The following STX1B variants were observed in gnomAD, a reference collection of about 807,000 sequenced individuals.
The protein encoded by STX1B is syntaxin-1B.
Under a neutral mutation model 39.4 loss-of-function variants are expected in STX1B, and 7 were observed. That is an observed-to-expected ratio of 0.18 (90% CI 0.10 to 0.33). The LOEUF is 0.33. Among genes scored for constraint, STX1B ranks in the 10% least tolerant of loss-of-function variants. The pLI, the probability that STX1B is intolerant of heterozygous loss-of-function variation, is 1.00. For synonymous variants in STX1B, 136 were observed against 144.1 expected (o/e 0.94, Z 0.40); for missense variants, 198 against 383.2 (o/e 0.52, Z 4.04).
intron 1 of STX1B, among the ~76,000 whole-genome samples, chr16:31,004,622 G>C (rs562176079): frequency 6.6e-6 from 1 of 151,798 alleles, no homozygotes; most frequent in East Asian, 1.9e-4. Flanking sequence ...ACTGCAGTGA[G>C]CTGTGATTGT....
At chr16:31,007,325 G>T (rs2056659586) in intron 1 of STX1B, among the ~76,000 whole-genome samples, 1 of 152,038 alleles carries the variant, frequency 6.6e-6, no homozygotes, top group Non-Finnish European at 1.5e-5. Context: ...GGCTCCTGCA[G>T]TGCAGGCCCC....
chr16:31,008,152 G>C (rs536747569), intron 1 of STX1B, among the ~76,000 whole-genome samples: 358 of 151,958 alleles, frequency 2.4e-3, no homozygotes, highest in African/African-American at 8.4e-3. Context: ...ACCCTGCCAG[G>C]TGTCTCCTGC....
chr16:31,001,659 G>A lies in STX1B; in HGVS notation c.31-56C>T. On this transcript the variant is annotated intron_variant, in intron 1 of 9. Coordinates refer to ENST00000215095, the MANE Select transcript of STX1B (RefSeq NM_052874.5). This position sits in a 1 kb window ranked among gnomAD's most constrained non-coding sequence, Gnocchi z 5.5. ...AGGCCCTACCTGGGTCCCCAAGGCT[G>A]GCTCTCCAGCTCTCCCACCCTCTCC... The A allele has an allele frequency of 6.9e-7, 1 of 1,449,292 alleles. No individual in the cohort carries two copies. The highest frequency in any genetic ancestry group is 9.6e-7 in the Non-Finnish European group (1 of 1,043,468). 89.8% of individuals were successfully genotyped at this position (1,449,292 alleles called of 1,614,324 possible).
chr16:30,997,655 A>G, intron 4 of STX1B, 80 bp from the exon 5 acceptor site: 1 of 1,342,680 alleles, frequency 7.4e-7, no homozygotes, highest in South Asian at 1.3e-5. Flanking sequence ...AATGGTCAAC[A>G]CCCCGCGGCA....
At chr16:31,008,513 T>C (rs1044995635) in intron 1 of STX1B, among the ~76,000 whole-genome samples, 1 of 151,662 alleles carries the variant, frequency 6.6e-6, no homozygotes, top group Admixed American at 6.6e-5. Context: ...GGTTTTGGAG[T>C]CATGGAATAG....
At chr16:31,000,329 TTTG>T (rs2056619595) in intron 4 of STX1B, among the ~76,000 whole-genome samples, 1 of 22,810 alleles carries the variant, frequency 4.4e-5, no homozygotes, top group African/African-American at 1.1e-4. Context: ...TTGTTTGTTT[TTTG>T]TTTTTTTTTT....
chr16:30,994,523 G>A (rs12930314), intron 7 of STX1B, among the ~76,000 whole-genome samples: 1 of 150,870 alleles, frequency 6.6e-6, no homozygotes, highest in Non-Finnish European at 1.5e-5. Flanking sequence ...CCAGGAGGTC[G>A]AGGCTGCAGT....
chr16:30,997,514 G>A lies in STX1B; in HGVS notation c.342C>T (p.Ile114=). The A allele has an allele frequency of 6.2e-7, 1 of 1,608,000 alleles. No homozygotes were observed. The highest frequency in any genetic ancestry group is 1.1e-5 in the South Asian group (1 of 89,476). The change falls in exon 5 of 10, where the codon ATC becomes ATT. Residue 114 remains isoleucine (I), a synonymous_variant. Transcript: ENST00000215095. The part of the protein sequence containing the change: ...GLNRSSADLR[I]RKTQHSTLSR... ...TGCCGCCTCCTACCTGGGTCTTGCGGATGCGCAGGTCCGCGGAGGAACGGT... is the reference window on the plus strand; with the variant it reads ...TGCCGCCTCCTACCTGGGTCTTGCGAATGCGCAGGTCCGCGGAGGAACGGT...
intron 7 of STX1B, 25 bp from the exon 8 acceptor site, chr16:30,993,509 C>A: frequency 6.2e-7 from 1 of 1,611,876 alleles, no homozygotes; most frequent in Non-Finnish European, 8.5e-7. Flanking sequence ...GAGAGAGCTA[C>A]AATCACCCTT....
intron 4 of STX1B, among the ~76,000 whole-genome samples, chr16:30,998,485 C>G (rs1032092426): frequency 1.3e-5 from 2 of 152,230 alleles, no homozygotes; most frequent in Non-Finnish European, 2.9e-5. Flanking sequence ...GATTGGGGCC[C>G]GACTGTCAGC....
chr16:31,009,447 A>T (rs961825428), intron 1 of STX1B, among the ~76,000 whole-genome samples: 6 of 152,122 alleles, frequency 3.9e-5, no homozygotes, highest in Admixed American at 2.6e-4. Flanking sequence ...TAACACCACC[A>T]GCCCAGCACA....
intron 1 of STX1B, among the ~76,000 whole-genome samples, chr16:31,007,655 G>GT (rs1003393237): frequency 4.6e-5 from 7 of 151,996 alleles, no homozygotes; most frequent in Non-Finnish European, 8.8e-5. Context: ...GACAAGTCAG[G>GT]TTTTTTTTAC....
In STX1B at chr16:30,990,010, A is replaced by T. The variant is rs2056542773; in HGVS notation, c.*2811T>A. On this transcript the variant is annotated 3_prime_UTR_variant, in exon 10 of 10. Coordinates refer to ENST00000215095, the MANE Select transcript of STX1B (RefSeq NM_052874.5). ...ACATGCCAGGACGCACACAGACAGCAGCCAACAAGCAGGCACATCATAGGA... is the reference window on the plus strand; with the variant it reads ...ACATGCCAGGACGCACACAGACAGCTGCCAACAAGCAGGCACATCATAGGA... The T allele has an allele frequency of 6.6e-6, 1 of 152,494 alleles. No homozygotes were observed. The highest frequency in any genetic ancestry group is 2.1e-4 in the South Asian group (1 of 4,842). 9.4% of individuals were successfully genotyped at this position (152,494 alleles called of 1,614,324 possible). A position where few individuals can be genotyped will look rare whatever the true frequency, so the allele number is the denominator to read the frequency against.
rs1458456533 is a variant in STX1B at position 30,991,437 on chromosome 16, A to T, written c.*1384T>A. On this transcript the variant is annotated 3_prime_UTR_variant, in exon 10 of 10. Transcript: ENST00000215095. ...CCAGCACTGGGCAGCACCTCTGGGG[A>T]GGGGGGCAGGGCAAGGACAACTGGA... is the stretch of plus-strand genomic sequence containing the variant. 1 of 152,716 alleles carries T rather than the reference A, an allele frequency of 6.5e-6. No individual in the cohort carries two copies. The highest frequency in any genetic ancestry group is 1.5e-5 in the Non-Finnish European group (1 of 68,208). 9.5% of individuals were successfully genotyped at this position (152,716 alleles called of 1,614,324 possible).
At position 31,001,637 on chromosome 16, in the gene STX1B, C is replaced by A. The variant is rs146338960; in HGVS notation, c.31-34G>T. On this transcript the variant is annotated intron_variant, in intron 1 of 9. Coordinates refer to ENST00000215095, the MANE Select transcript of STX1B (RefSeq NM_052874.5). This position sits in a 1 kb window ranked among gnomAD's most constrained non-coding sequence, Gnocchi z 5.5. ...AAGGAAGGCTGAGTCCATGAGCAGG[C>A]CCTACCTGGGTCCCCAAGGCTGGCT... 3.9e-4 allele frequency: 618 copies of A among 1,582,730 alleles called. 1 individual carries two copies. In the African/African-American group the frequency reaches 7.4e-3, roughly 19 times the overall value.
intron 7 of STX1B, chr16:30,996,272 C>G (rs2056591345): frequency 6.2e-6 from 1 of 161,976 alleles, no homozygotes; most frequent in Non-Finnish European, 1.3e-5. Flanking sequence ...GCTTCAGTAG[C>G]AGAGTATGTC....
At chr16:30,997,363 T>C (rs1256813668) in intron 5 of STX1B, 139 bp downstream of exon 5, 53 of 574,030 alleles carry the variant, frequency 9.2e-5, no homozygotes, top group Middle Eastern at 5.3e-4. Flanking sequence ...CCGCCCGCTC[T>C]AGCCTCGCCC....
intron 1 of STX1B, among the ~76,000 whole-genome samples, chr16:31,007,971 A>G (rs766032752): frequency 1.1e-4 from 17 of 152,296 alleles, no homozygotes; most frequent in Non-Finnish European, 7.3e-5. Context: ...ATTTGAACCC[A>G]GACAGTCTGG....
At chr16:31,010,257 C>T in intron 1 of STX1B, 110 bp downstream of exon 1, 1 of 886,530 alleles carries the variant, frequency 1.1e-6, no homozygotes, top group Non-Finnish European at 1.6e-6. Flanking sequence ...GGCTACCAAC[C>T]TCCGATCTCA....
Sources: allele counts gnomAD v4.1 joint callset (sites outside exome capture counted in the v4.1 genomes callset), GRCh38; gene constraint gnomAD v4.1.1; non-coding constraint Gnocchi (gnomAD v3.1); transcripts MANE v1.5; gene names NCBI Gene and HGNC (gene_info 2026-07-23, HGNC 2026-07-21).